FHIP2B: variants seen among roughly 807,000 people sequenced by gnomAD.
FHIP2B encodes FHF complex subunit HOOK-interacting protein 2B.
In FHIP2B, 72 loss-of-function variants were observed where a neutral mutation model predicts 84.0. That is an observed-to-expected ratio of 0.86 (90% CI 0.71 to 1.04). The LOEUF (loss-of-function observed/expected upper bound fraction) is 1.04. FHIP2B is among the 50% of genes least tolerant of loss of function. FHIP2B has a pLI of 0.00. For synonymous variants in FHIP2B, 497 were observed against 418.7 expected (o/e 1.19, Z -2.28); for missense variants, 972 against 968.9 (o/e 1.00, Z -0.04).
Position 22,089,241 on chromosome 8 carries a change from G to T in FHIP2B, c.-13G>T. The T allele has an allele frequency of 5.7e-6, 6 of 1,060,348 alleles. No individual in the cohort carries two copies. The highest frequency in any genetic ancestry group is 6.8e-6 in the Non-Finnish European group (6 of 879,630). 65.7% of individuals were successfully genotyped at this position (1,060,348 alleles called of 1,614,324 possible). A position where few individuals can be genotyped will look rare whatever the true frequency, so the allele number is the denominator to read the frequency against. ...CGCCGCTTTCGCCCGGGAGCCGGGG[G>T]CCGGGCGCCATCATGCTGAGCCGGC... On this transcript the variant is annotated 5_prime_UTR_variant, in exon 1 of 17. Transcript: ENST00000289921.
At chr8:22,094,831 A>G in intron 2 of FHIP2B, 1 of 1,203,474 alleles carries the variant, frequency 8.3e-7, no homozygotes. Flanking sequence ...CCCAGCTTCC[A>G]GCTCCAGACC....
chr8:22,096,450 C>T lies in FHIP2B; in HGVS notation c.238C>T (p.Leu80=). The T allele has an allele frequency of 6.4e-7, 1 of 1,554,708 alleles. No homozygotes were observed. Among genetic ancestry groups the T allele is most frequent in the Non-Finnish European group, 8.7e-7 (1 of 1,149,158 alleles). Residue 80 remains leucine (L), a synonymous_variant, in exon 3 of 17, where the codon CTG becomes TTG. Coordinates refer to ENST00000289921, the MANE Select transcript of FHIP2B (RefSeq NM_022749.7). ...QAAAGEAGPC[L]EYLLQHKILE... is the part of the protein sequence containing the mutation. Reference sequence around the variant, plus strand: ...GGCCGCGGGTGAGGCAGGGCCCTGCCTGGAGTACCTGCTGCAGCACAAGAT... The same window carrying T: ...GGCCGCGGGTGAGGCAGGGCCCTGCTTGGAGTACCTGCTGCAGCACAAGAT...
intron 1 of FHIP2B, among the ~76,000 whole-genome samples, chr8:22,093,682 G>C (rs1825612119): frequency 1.4e-5 from 2 of 143,600 alleles, no homozygotes; most frequent in South Asian, 4.8e-4. Flanking sequence ...TAGACTCTCA[G>C]ATTGAGAGGA....
intron 9 of FHIP2B, 56 bp from the exon 10 acceptor site, chr8:22,099,648 G>T: frequency 6.6e-7 from 1 of 1,505,046 alleles, no homozygotes. Flanking sequence ...TCGGCCACCC[G>T]CACTCATGTG....
Position 22,101,592 on chromosome 8 carries a change from C to T in FHIP2B, c.1707+62C>T, listed in dbSNP as rs1044504802. Reference sequence around the variant, plus strand: ...CTTCAGAACAGCTGGGTCATAAGCTCTGGGTTCCGCCTCTCTCATCTGCCC... The same window carrying T: ...CTTCAGAACAGCTGGGTCATAAGCTTTGGGTTCCGCCTCTCTCATCTGCCC... On this transcript the variant is annotated intron_variant, in intron 13 of 16. Transcript: ENST00000289921. The T allele has an allele frequency of 4.2e-5, 66 of 1,567,902 alleles. No homozygotes were observed. In the Middle Eastern group the frequency reaches 1.0e-3, roughly 24 times the overall value.
At chr8:22,089,812 A>T (rs1386914461) in intron 1 of FHIP2B, 2 of 1,285,698 alleles carry the variant, frequency 1.6e-6, no homozygotes, top group Non-Finnish European at 2.0e-6. Flanking sequence ...TCACCCCGGG[A>T]CGTGGGAAGT....
In FHIP2B at chr8:22,103,270, A is replaced by T. The variant is rs745747734; in HGVS notation, c.*339A>T. On this transcript the variant is annotated 3_prime_UTR_variant, in exon 17 of 17. Coordinates refer to ENST00000289921, the MANE Select transcript of FHIP2B (RefSeq NM_022749.7). The stretch of plus-strand genomic sequence containing the variant: ...ATTTGTGGCCAGGGCCAAGCCTGTG[A>T]CTCAACTCCAGGGGCAAGATGGGGA... The T allele has an allele frequency of 4.0e-6, 1 of 252,828 alleles. No individual in the cohort carries two copies. Among genetic ancestry groups the T allele is most frequent in the African/African-American group, 2.2e-5 (1 of 44,638 alleles). 15.7% of individuals were successfully genotyped at this position (252,828 alleles called of 1,614,324 possible). A position where few individuals can be genotyped will look rare whatever the true frequency, so the allele number is the denominator to read the frequency against.
At chr8:22,090,616 ATTTC>A (rs1464165166) in intron 1 of FHIP2B, among the ~76,000 whole-genome samples, 2 of 151,978 alleles carry the variant, frequency 1.3e-5, no homozygotes, top group East Asian at 1.9e-4. Flanking sequence ...TGAGGAGTGA[ATTTC>A]TTTCTTTTTC....
In FHIP2B at chr8:22,102,283, G is replaced by C. The variant is rs752175859; in HGVS notation, c.1960G>C (p.Gly654Arg). Residue 654 changes from glycine to arginine, a missense_variant, in exon 15 of 17, where the codon GGC becomes CGC. Gly to Arg is a moderately radical substitution (Grantham distance 125). Coordinates refer to ENST00000289921, the MANE Select transcript of FHIP2B (RefSeq NM_022749.7). ...LLDPYISLAP[G>R]CRSLFSVLVR... The stretch of plus-strand genomic sequence containing the variant: ...GGATCCGTACATCAGCCTGGCCCCC[G>C]GCTGCAGGAGCCTATTCTCCGTGTT... 6.2e-7 allele frequency: 1 copy of C among 1,612,942 alleles called. No individual in the cohort carries two copies. The highest frequency in any genetic ancestry group is 8.5e-7 in the Non-Finnish European group (1 of 1,179,842).
Position 22,098,246 on chromosome 8 carries a change from A to T in FHIP2B, c.704A>T (p.Glu235Val). The change falls in exon 6 of 17, where the codon GAG becomes GTG. Residue 235 changes from glutamate to valine, a missense_variant. Physicochemically the swap from Glu to Val is moderately radical, Grantham distance 121. Transcript: ENST00000289921. ...LNSHMPAETE[E>V]LDGGTTESNL... ...AGCCACATGCCTGCTGAGACCGAGG[A>T]GCTGGACGGTGGGACCACAGAGAGC... 6.3e-7 allele frequency: 1 copy of T among 1,590,338 alleles called. No homozygotes were observed. The highest frequency in any genetic ancestry group is 8.5e-7 in the Non-Finnish European group (1 of 1,170,122).
intron 12 of FHIP2B, 79 bp downstream of exon 12, chr8:22,101,051 C>G: frequency 1.3e-6 from 2 of 1,500,720 alleles, no homozygotes; most frequent in Middle Eastern, 1.8e-4. Flanking sequence ...AGTCTCGCTC[C>G]GTCACCCAGG....
Position 22,102,951 on chromosome 8 carries a change from G to A in FHIP2B, c.*20G>A, listed in dbSNP as rs375240745. On this transcript the variant is annotated 3_prime_UTR_variant, in exon 17 of 17. Transcript: ENST00000289921. ...GTCTGAGCCAGCACCAGGGCGGTGG[G>A]AGACTCCTGTCCACACCTCTGCCCC... 11 of 1,610,106 alleles carry A rather than the reference G, an allele frequency of 6.8e-6. No individual in the cohort carries two copies. Among genetic ancestry groups the A allele is most frequent in the Admixed American group, 5.0e-5 (3 of 59,802 alleles).
chr8:22,098,299 T>A lies in FHIP2B; in HGVS notation c.757T>A (p.Cys253Ser), dbSNP rs1175667820. 34 of 1,354,608 alleles carry A rather than the reference T, an allele frequency of 2.5e-5. No homozygotes were observed. The African/African-American group carries it at 5.1e-4, about 20-fold the overall frequency. The allele number at this position is 1,354,608 out of a possible 1,614,324, so 83.9% of individuals were successfully genotyped here. ...SNLITSLLGL[C>S]QSKKSRVALK... is the part of the protein sequence containing the mutation. Reference sequence around the variant, plus strand: ...CCTGATTACCTCCCTGCTTGGGCTGTGCCAGAGCAAGGTGCTGGCAGCAGA... The same window carrying A: ...CCTGATTACCTCCCTGCTTGGGCTGAGCCAGAGCAAGGTGCTGGCAGCAGA... Residue 253 changes from cysteine (C) to serine (S), a missense_variant, in exon 6 of 17, where the codon TGC becomes AGC. Coordinates refer to ENST00000289921, the MANE Select transcript of FHIP2B (RefSeq NM_022749.7).
At position 22,101,519 on chromosome 8, in the gene FHIP2B, G is replaced by C; in HGVS notation, c.1696G>C (p.Ala566Pro). The C allele has an allele frequency of 6.2e-7, 1 of 1,611,592 alleles. No individual in the cohort carries two copies. Among genetic ancestry groups the C allele is most frequent in the Non-Finnish European group, 8.5e-7 (1 of 1,178,286 alleles). The change falls in exon 13 of 17, where the codon GCT (alanine) becomes CCT (proline). Residue 566 changes from alanine to proline, a missense_variant. Physicochemically the swap from Ala to Pro is conservative, Grantham distance 27. Transcript: ENST00000289921. ...ETGYDTYVHD[A>P]YGLFQECSSR... Reference sequence around the variant, plus strand: ...AGGCTATGACACATACGTCCACGATGCTTATGGCCTGGTGAGTGGCTCCTG... The same window carrying C: ...AGGCTATGACACATACGTCCACGATCCTTATGGCCTGGTGAGTGGCTCCTG...
rs377123985 is a variant in FHIP2B, at chr8:22,099,704, G to A, written c.1152G>A (p.Val384=). The change falls in exon 10 of 17, where the codon GTG becomes GTA. Residue 384 remains valine, a splice_region_variant and synonymous_variant. Transcript: ENST00000289921. ...TGGCTAAGGTGCCCTCTTCCCGTAG[G>A]TCCGAGCAGAGCATCTTGACCTCCA... is the stretch of plus-strand genomic sequence containing the variant. ...VETLQPQLLH[V]SEQSILTSTA... 8.2e-6 allele frequency: 13 copies of A among 1,579,810 alleles called. No homozygotes were observed. The African/African-American group carries it at 1.6e-4, about 20-fold the overall frequency.
At chr8:22,098,701 G>T in intron 7 of FHIP2B, 82 bp downstream of exon 7, 5 of 1,391,690 alleles carry the variant, frequency 3.6e-6, no homozygotes, top group East Asian at 2.5e-5. Flanking sequence ...GCTCCCCTGG[G>T]GTTCCACGTT....
rs748689177 is a variant in FHIP2B, at chr8:22,089,782, G to A, written c.45+484G>A. On this transcript the variant is annotated intron_variant, in intron 1 of 16. Coordinates refer to ENST00000289921, the MANE Select transcript of FHIP2B (RefSeq NM_022749.7). ...CCAGACAACTCCAGGACCTTGTTGG[G>A]GTGCAGGACGCCCTTCCCGTCACCC... 22 of 1,285,980 alleles carry A rather than the reference G, an allele frequency of 1.7e-5. No homozygotes were observed. The East Asian group carries it at 1.2e-3, about 72-fold the overall frequency. The allele number at this position is 1,285,980 out of a possible 1,614,324, so 79.7% of individuals were successfully genotyped here.
intron 9 of FHIP2B, 120 bp from the exon 10 acceptor site, chr8:22,099,584 T>C (rs1586337711): frequency 8.0e-7 from 1 of 1,257,718 alleles, no homozygotes; most frequent in Non-Finnish European, 1.1e-6. Context: ...TCAGCAGGGA[T>C]GGGCAAGTGA....
rs901773350 is a variant in FHIP2B, at chr8:22,091,050, G to A, written c.45+1752G>A. 5.3e-5 allele frequency among the ~76,000 whole-genome samples: 8 copies of A among 152,056 alleles called. No individual in the cohort carries two copies. In the South Asian group the frequency reaches 6.2e-4, roughly 12 times the overall value. On this transcript the variant is annotated intron_variant, in intron 1 of 16. Transcript: ENST00000289921. The stretch of plus-strand genomic sequence containing the variant: ...AGTATTGACCATATAGGCTATGTCC[G>A]GGCGGTGTGGTTGGCCCTACAGGGA...
Sources: gnomAD v4.1 joint callset for allele counts (sites outside exome capture counted in the v4.1 genomes callset) on GRCh38, gnomAD v4.1.1 for gene constraint, MANE v1.5 for transcripts, NCBI Gene and HGNC (gene_info 2026-07-23, HGNC 2026-07-21) for gene names.